The following PP2D1 variants were observed in gnomAD, a reference collection of about 807,000 sequenced individuals.
The protein encoded by PP2D1 is protein phosphatase 2C like domain containing 1.
A neutral mutation model predicts 30.2 loss-of-function variants in PP2D1; 25 were observed. The observed-to-expected ratio is 0.83, with a 90% CI of 0.60 to 1.16. The LOEUF is 1.16. PP2D1 is among the 50% of genes most tolerant of loss of function. The probability of loss-of-function intolerance (pLI) is 0.00; values close to 1 mark genes in which losing one functional copy is unlikely to be tolerated. For missense variants in PP2D1, 760 were observed against 742.4 expected (o/e 1.02, Z -0.28); for synonymous variants, 260 against 258.9 (o/e 1.00, Z -0.04).
intron 1 of PP2D1, among the ~76,000 whole-genome samples, chr3:20,005,084 G>A (rs114942676): frequency 0.02 from 3,069 of 152,154 alleles, 33 homozygotes; most frequent in Non-Finnish European, 0.03. Flanking sequence ...ACACTCCAGC[G>A]TGGGCTACAG....
intron 1 of PP2D1, chr3:20,007,880 C>A: frequency 4.6e-6 from 1 of 216,306 alleles, no homozygotes; most frequent in South Asian, 8.5e-5. Flanking sequence ...CGAATAATCT[C>A]CTAGTTGTAA....
rs1257332990 is a variant in PP2D1, at chr3:19,985,817, G to A, written c.1456C>T (p.Pro486Ser). The part of the protein sequence containing the change: ...MYKETYCPII[P>S]NKSPSKGPLL... ...GGCCCTTTGGATGGTGATTTGTTAG[G>A]TATGATAGGACAGTATGTTTCTTTA... is the stretch of plus-strand genomic sequence containing the variant. The change falls in exon 3 of 3, where the codon CCT (proline) becomes TCT (serine). Residue 486 changes from proline to serine, a missense_variant. Pro to Ser is a moderately conservative substitution (Grantham distance 74). Transcript: ENST00000389050. 1 of 1,535,944 alleles carries A rather than the reference G, an allele frequency of 6.5e-7. No individual in the cohort carries two copies. Among genetic ancestry groups the A allele is most frequent in the Non-Finnish European group, 8.7e-7 (1 of 1,146,862 alleles).
downstream of PP2D1, among the ~76,000 whole-genome samples, chr3:19,981,552 T>G (rs1213257168): frequency 1.3e-5 from 2 of 151,804 alleles, no homozygotes; most frequent in African/African-American, 4.8e-5. Context: ...AGGCAGAGGT[T>G]GTAGCGAGCT....
Position 19,985,564 on chromosome 3 carries a change from C to T in PP2D1, c.1709G>A (p.Arg570Lys). ...TGCCACATCATTTACACTAGTTGGT[C>T]TGTCAGTTACTTTTTCACTGCAAGG... is the stretch of plus-strand genomic sequence containing the variant. The part of the protein sequence containing the change: ...RKPCSEKVTD[R>K]PTSVNDVATN... The change falls in exon 3 of 3, where the codon AGA (arginine) becomes AAA (lysine). Residue 570 changes from arginine to lysine, a missense_variant. Coordinates refer to ENST00000389050, the MANE Select transcript of PP2D1 (RefSeq NM_001252657.2). 4 of 1,536,024 alleles carry T rather than the reference C, an allele frequency of 2.6e-6. No homozygotes were observed. Among genetic ancestry groups the T allele is most frequent in the Non-Finnish European group, 3.5e-6 (4 of 1,146,876 alleles).
At chr3:19,983,790 A>C, downstream of PP2D1, 1 of 1,611,216 alleles carries the variant, frequency 6.2e-7, no homozygotes, top group Non-Finnish European at 8.5e-7. Flanking sequence ...CCGAACCCAC[A>C]CAACCAACCA....
At chr3:19,988,657 C>T (rs1379547640) in intron 2 of PP2D1, among the ~76,000 whole-genome samples, 1 of 152,146 alleles carries the variant, frequency 6.6e-6, no homozygotes, top group Non-Finnish European at 1.5e-5. Flanking sequence ...CTAATAAAAA[C>T]TTGCTGGTTT....
intron 2 of PP2D1, among the ~76,000 whole-genome samples, chr3:19,987,908 T>C (rs922269828): frequency 1.3e-5 from 2 of 152,244 alleles, no homozygotes; most frequent in Admixed American, 1.3e-4. Flanking sequence ...CGCATGTCTT[T>C]ACTGCAATCT....
Position 20,001,146 on chromosome 3 carries a change from CT to C in PP2D1, c.973del (p.Ser325ValfsTer29). 6.8e-7 allele frequency: 1 copy of C among 1,470,098 alleles called. No individual in the cohort carries two copies. Among genetic ancestry groups the C allele is most frequent in the Non-Finnish European group, 9.0e-7 (1 of 1,114,784 alleles). The allele number at this position is 1,470,098 out of a possible 1,614,324, so 91.1% of individuals were successfully genotyped here. A position where few individuals can be genotyped will look rare whatever the true frequency, so the allele number is the denominator to read the frequency against. On this transcript the variant is annotated frameshift_variant, in exon 2 of 3. Transcript: ENST00000389050. LOFTEE classifies it high-confidence loss of function. ...TTTCCAATTCTTATGAGCATAAGGA[CT>C]TTTAGGTTTGCCTTCCAATATACAA... ...VTCILEGKPK[S>X]PYAHKNWKRK...
downstream of PP2D1, chr3:19,983,992 C>T (rs1696983334): frequency 1.8e-6 from 1 of 571,010 alleles, no homozygotes; most frequent in Non-Finnish European, 3.2e-6. Context: ...TTTTTAATAA[C>T]ATGCATGGGT....
rs1697251615 is a variant in PP2D1 at position 20,001,466 on chromosome 3, C to T, written c.654G>A (p.Leu218=). The T allele has an allele frequency of 6.5e-7, 1 of 1,536,404 alleles. No homozygotes were observed. Among genetic ancestry groups the T allele is most frequent in the Non-Finnish European group, 8.7e-7 (1 of 1,146,958 alleles). ...GTAAAACTGGGAGTTCCATTGATGT[C>T]AACTCTGCCGCTGAGGCACCGTGAT... is the stretch of plus-strand genomic sequence containing the variant. The part of the protein sequence containing the change: ...DGHHGASAAE[L]TSMELPVLLL... Residue 218 remains leucine, a synonymous_variant, in exon 2 of 3, where the codon TTG becomes TTA. Transcript: ENST00000389050.
At chr3:19,987,490 A>C (rs1697055186) in intron 2 of PP2D1, among the ~76,000 whole-genome samples, 1 of 152,142 alleles carries the variant, frequency 6.6e-6, no homozygotes, top group African/African-American at 2.4e-5. Context: ...AATTCCTGGA[A>C]TAGGAAGCCA....
intron 2 of PP2D1, among the ~76,000 whole-genome samples, chr3:19,993,747 T>TTGTTTGTTTTGA (rs1395568290): frequency 1.3e-5 from 2 of 152,038 alleles, no homozygotes; most frequent in Non-Finnish European, 2.9e-5. Context: ...GTTTGTTTGT[T>TTGTTTGTTTTGA]TGTTTGTTTT....
downstream of PP2D1, among the ~76,000 whole-genome samples, chr3:19,982,968 G>C (rs1013381278): frequency 2.0e-5 from 3 of 152,116 alleles, no homozygotes; most frequent in Non-Finnish European, 4.4e-5. Flanking sequence ...TCTAGAGAAC[G>C]CTGATATGAG....
In PP2D1 at chr3:20,002,073, C is replaced by T; in HGVS notation, c.47G>A (p.Trp16Ter). Residue 16 changes from tryptophan to a stop codon, truncating the protein, a stop_gained, in exon 2 of 3, where the codon TGG becomes TAG. Coordinates refer to ENST00000389050, the MANE Select transcript of PP2D1 (RefSeq NM_001252657.2). LOFTEE classifies it high-confidence loss of function. Reference protein sequence around the residue: ...ALRVFWKSREWNMKTSTFDSD... With the variant: ...ALRVFWKSRE ...ATCAAATGTTGATGTTTTCATATTCCATTCTCTTGATTTCCAAAACACTCT... is the reference window on the plus strand; with the variant it reads ...ATCAAATGTTGATGTTTTCATATTCTATTCTCTTGATTTCCAAAACACTCT... 1 of 1,532,326 alleles carries T rather than the reference C, an allele frequency of 6.5e-7. No individual in the cohort carries two copies. The highest frequency in any genetic ancestry group is 8.7e-7 in the Non-Finnish European group (1 of 1,143,788). The allele number at this position is 1,532,326 out of a possible 1,614,324, so 94.9% of individuals were successfully genotyped here.
intron 2 of PP2D1, among the ~76,000 whole-genome samples, chr3:19,986,971 A>T (rs1490791324): frequency 2.7e-5 from 4 of 150,770 alleles, no homozygotes; most frequent in African/African-American, 7.3e-5. Flanking sequence ...CGGGAGGTGG[A>T]GGTTGTGGTG....
At position 19,980,042 on chromosome 3, in the gene PP2D1, C is replaced by G. The variant is rs184946475; in HGVS notation, c.*195G>C. The G allele has an allele frequency of 1.5e-4, 23 of 152,240 alleles. No individual in the cohort carries two copies. The East Asian group carries it at 4.4e-3, about 29-fold the overall frequency. 9.4% of individuals were successfully genotyped at this position (152,240 alleles called of 1,614,324 possible). A position where few individuals can be genotyped will look rare whatever the true frequency, so the allele number is the denominator to read the frequency against. On this transcript the variant is annotated 3_prime_UTR_variant and NMD_transcript_variant, in exon 4 of 4. Transcript: ENST00000333083. ...TCATTCGAAATGGGAAAGAACTTGC[C>G]TTTTCTCATGTAAACTGTTTTCCTG...
At chr3:19,986,394 G>A (rs1020616942) in intron 2 of PP2D1, among the ~76,000 whole-genome samples, 2 of 152,214 alleles carry the variant, frequency 1.3e-5, no homozygotes, top group East Asian at 1.9e-4. Context: ...TCATTGTTAA[G>A]CAGCTTTTAG....
intron 2 of PP2D1, among the ~76,000 whole-genome samples, chr3:19,993,457 C>G (rs746247130): frequency 2.6e-5 from 4 of 152,174 alleles, no homozygotes; most frequent in Non-Finnish European, 5.9e-5. Flanking sequence ...ACAAGGTGGC[C>G]AGGTGCAGTG....
intron 2 of PP2D1, among the ~76,000 whole-genome samples, chr3:19,993,365 A>G (rs771420548): frequency 6.6e-6 from 1 of 152,180 alleles, no homozygotes; most frequent in African/African-American, 2.4e-5. Context: ...AAGACGAATA[A>G]TGACTAAATT....
Sources: gnomAD v4.1 joint callset for allele counts (sites outside exome capture counted in the v4.1 genomes callset) on GRCh38, gnomAD v4.1.1 for gene constraint, MANE v1.5 for transcripts, NCBI Gene and HGNC (gene_info 2026-07-23, HGNC 2026-07-21) for gene names.